TLCD4: variants seen among roughly 807,000 people sequenced by gnomAD.
TLCD4 encodes the protein TLC domain-containing protein 4.
A neutral mutation model predicts 24.2 loss-of-function variants in TLCD4; 7 were observed. That is an observed-to-expected ratio of 0.29 (90% confidence interval 0.16 to 0.54). TLCD4 has a LOEUF of 0.54. Among genes scored for constraint, TLCD4 ranks in the 20% least tolerant of loss-of-function variants. TLCD4 has a pLI of 0.95. For missense variants in TLCD4, 259 were observed against 313.9 expected (o/e 0.82, Z 1.32); for synonymous variants, 103 against 106.4 (o/e 0.97, Z 0.20).
At chr1:95,190,831 T>C (rs960856667) in intron 6 of TLCD4, among the ~76,000 whole-genome samples, 1 of 152,266 alleles carries the variant, frequency 6.6e-6, no homozygotes, top group Non-Finnish European at 1.5e-5. Context: ...ATTGGGTTGT[T>C]TTCTTATTGT....
chr1:95,140,299 G>A (rs1015950505), intron 1 of TLCD4, among the ~76,000 whole-genome samples: 11 of 152,266 alleles, frequency 7.2e-5, no homozygotes, highest in Non-Finnish European at 1.2e-4. Flanking sequence ...CCTCAAACAC[G>A]TGAGTAATGT....
intron 6 of TLCD4, chr1:95,174,195 G>C (rs1678336396): frequency 6.8e-6 from 2 of 293,492 alleles, no homozygotes; most frequent in Non-Finnish European, 1.3e-5. Flanking sequence ...CAAGATGAAT[G>C]GTATTCACTG....
chr1:95,106,875 G>A, the TLCD4 span, among the ~76,000 whole-genome samples: 1 of 152,088 alleles, frequency 6.6e-6, no homozygotes, highest in Non-Finnish European at 1.5e-5. Flanking sequence ...AGATTAAGTG[G>A]GAGATCTGAA....
chr1:95,132,456 C>CA (rs34887671), intron 1 of TLCD4, among the ~76,000 whole-genome samples: 24 of 72,448 alleles, frequency 3.3e-4, no homozygotes, highest in South Asian at 2.7e-3. Context: ...GACTCCAACT[C>CA]AAAAAAAAAA....
upstream of TLCD4, among the ~76,000 whole-genome samples, chr1:95,116,584 CTT>C (rs553361920): frequency 1.8e-4 from 27 of 152,284 alleles, no homozygotes; most frequent in South Asian, 5.0e-3. Flanking sequence ...GAGTATACCT[CTT>C]TGTTATTTTG....
In TLCD4 at chr1:95,162,115, A is replaced by G. The variant is rs191051185; in HGVS notation, c.399+10696A>G. Among the ~76,000 whole-genome samples the G allele has an allele frequency of 5.3e-5, 8 of 152,244 alleles. No individual in the cohort carries two copies. In the East Asian group the frequency reaches 7.7e-4, roughly 15 times the overall value. On this transcript the variant is annotated intron_variant, in intron 5 of 6. Coordinates refer to ENST00000370203, the MANE Select transcript of TLCD4 (RefSeq NM_152487.3). Reference sequence around the variant, plus strand: ...GACAGTGGGGTGTTAAAAGTCTCCCATTATTATTGTGTGGGAGTCTAAGTC... The same window carrying G: ...GACAGTGGGGTGTTAAAAGTCTCCCGTTATTATTGTGTGGGAGTCTAAGTC...
intron 5 of TLCD4, among the ~76,000 whole-genome samples, chr1:95,154,919 C>A (rs540753419): frequency 1.3e-5 from 2 of 150,244 alleles, no homozygotes; most frequent in Non-Finnish European, 3.0e-5. Context: ...AATGCCCCAT[C>A]ATTGCCACTA....
intron 1 of TLCD4, among the ~76,000 whole-genome samples, chr1:95,124,371 A>G (rs1676654307): frequency 6.6e-6 from 1 of 152,218 alleles, no homozygotes; most frequent in Non-Finnish European, 1.5e-5. Context: ...AAATCAGAGA[A>G]GCACACCTAT....
At chr1:95,174,766 T>C (rs1678364216) in intron 6 of TLCD4, among the ~76,000 whole-genome samples, 1 of 152,150 alleles carries the variant, frequency 6.6e-6, no homozygotes, top group Non-Finnish European at 1.5e-5. Context: ...ATATTGATAG[T>C]CATCACTAGT....
At position 95,173,132 on chromosome 1, in the gene TLCD4, G is replaced by T. The variant is rs759541370; in HGVS notation, c.400-684G>T. ...TTTCAGAACAAACATGGTGGCATGTGTTGTCATACTGGGCAAATATACCTG... is the reference window on the plus strand; with the variant it reads ...TTTCAGAACAAACATGGTGGCATGTTTTGTCATACTGGGCAAATATACCTG... On this transcript the variant is annotated intron_variant, in intron 5 of 6. Coordinates refer to ENST00000370203, the MANE Select transcript of TLCD4 (RefSeq NM_152487.3). 7.9e-4 allele frequency among the ~76,000 whole-genome samples: 121 copies of T among 152,270 alleles called. 1 individual carries two copies. Among genetic ancestry groups the T allele is most frequent in the Middle Eastern group, 6.8e-3 (2 of 294 alleles).
At chr1:95,123,355 A>T (rs1447220230) in intron 1 of TLCD4, among the ~76,000 whole-genome samples, 2 of 152,222 alleles carry the variant, frequency 1.3e-5, no homozygotes, top group African/African-American at 2.4e-5. Context: ...CCAGGGCAAC[A>T]TAAGGATGAA....
chr1:95,141,982 A>G (rs1677210110), intron 1 of TLCD4, among the ~76,000 whole-genome samples: 1 of 152,180 alleles, frequency 6.6e-6, no homozygotes, highest in Non-Finnish European at 1.5e-5. Flanking sequence ...TCTCTGGTGA[A>G]TTGATTTCAG....
upstream of TLCD4, among the ~76,000 whole-genome samples, chr1:95,114,368 A>G (rs1354387009): frequency 1.3e-5 from 2 of 152,234 alleles, no homozygotes; most frequent in African/African-American, 4.8e-5. Flanking sequence ...TTTAGTTTGT[A>G]TCTTCACTAA....
chr1:95,135,893 A>AT (rs1004328147), intron 1 of TLCD4, among the ~76,000 whole-genome samples: 32 of 150,774 alleles, frequency 2.1e-4, no homozygotes, highest in African/African-American at 4.9e-4. Context: ...TAATTTTTGT[A>AT]TTTTTTTTGT....
intron 5 of TLCD4, among the ~76,000 whole-genome samples, chr1:95,159,194 G>A (rs991731638): frequency 2.6e-5 from 4 of 152,180 alleles, no homozygotes; most frequent in South Asian, 4.2e-4. Flanking sequence ...TTTAATGATC[G>A]CCATTCTAAC....
chr1:95,154,332 C>T (rs1394482513), intron 5 of TLCD4, among the ~76,000 whole-genome samples: 3 of 152,144 alleles, frequency 2.0e-5, no homozygotes, highest in Non-Finnish European at 2.9e-5. Flanking sequence ...AGGCACGTGG[C>T]CCAGTCTAAT....
At chr1:95,159,209 G>A (rs1229934484) in intron 5 of TLCD4, among the ~76,000 whole-genome samples, 1 of 152,212 alleles carries the variant, frequency 6.6e-6, no homozygotes, top group Non-Finnish European at 1.5e-5. Flanking sequence ...TCTAACTGGT[G>A]TGAGATGGTA....
chr1:95,093,971 C>G, the TLCD4 span, among the ~76,000 whole-genome samples: 4 of 152,218 alleles, frequency 2.6e-5, no homozygotes, highest in South Asian at 4.1e-4. Flanking sequence ...GAGATGGACT[C>G]CAGACCTTTA....
upstream of TLCD4, among the ~76,000 whole-genome samples, chr1:95,113,807 T>C (rs1176456749): frequency 6.6e-6 from 1 of 152,140 alleles, no homozygotes; most frequent in Non-Finnish European, 1.5e-5. Flanking sequence ...TCTCAGCTAT[T>C]TAAGAGGCTA....
Sources: gnomAD v4.1 joint callset for allele counts (sites outside exome capture counted in the v4.1 genomes callset) on GRCh38, gnomAD v4.1.1 for gene constraint, MANE v1.5 for transcripts, NCBI Gene and HGNC (gene_info 2026-07-23, HGNC 2026-07-21) for gene names.